Variants in VWA3A observed in about 807,000 individuals in gnomAD.
VWA3A encodes von Willebrand factor A domain containing 3A.
In VWA3A, 134 loss-of-function variants were observed where a neutral mutation model predicts 160.4. The observed-to-expected ratio is 0.84, with a 90% CI of 0.73 to 0.96. VWA3A has a LOEUF of 0.96. Among genes scored for constraint, VWA3A ranks in the 40% least tolerant of loss-of-function variants. VWA3A has a pLI of 0.00. For synonymous variants in VWA3A, 476 were observed against 543.4 expected, an observed-to-expected ratio of 0.88 and a Z score of 1.72; for missense variants, 1,310 against 1,447.9, an observed-to-expected ratio of 0.90 and a Z score of 1.55.
chr16:22,112,010 C>T (rs2045558924), intron 8 of VWA3A, among the ~76,000 whole-genome samples: 1 of 152,210 alleles, frequency 6.6e-6, no homozygotes, highest in African/African-American at 2.4e-5. Context: ...ATAGGACCTA[C>T]ATAACACTGC....
intron 16 of VWA3A, among the ~76,000 whole-genome samples, chr16:22,123,929 C>G (rs1308804369): frequency 2.0e-5 from 3 of 152,038 alleles, no homozygotes; most frequent in Non-Finnish European, 2.9e-5. Context: ...AATCCCAGCA[C>G]TTGGGGAGGC....
At chr16:22,148,063 T>C in intron 27 of VWA3A, 99 bp from the exon 28 acceptor site, 1 of 1,405,948 alleles carries the variant, frequency 7.1e-7, no homozygotes, top group Non-Finnish European at 9.4e-7. Flanking sequence ...GCAACAGGTG[T>C]CACAAGACTT....
chr16:22,103,579 T>G (rs1355773928), intron 6 of VWA3A, 50 bp downstream of exon 6: 1 of 1,544,552 alleles, frequency 6.5e-7, no homozygotes. Context: ...ATTCCATTTG[T>G]ATTTGTTAGA....
chr16:22,134,355 G>T lies in VWA3A; in HGVS notation c.2069-13G>T. Reference sequence around the variant, plus strand: ...CCCTGTCTCACCTTGCTCACGATGTGCTTTGTTTCCAGGCATTTATGAGAG... The same window carrying T: ...CCCTGTCTCACCTTGCTCACGATGTTCTTTGTTTCCAGGCATTTATGAGAG... On this transcript the variant is annotated splice_polypyrimidine_tract_variant and intron_variant, in intron 20 of 33. Transcript: ENST00000389398. 1 of 1,590,630 alleles carries T rather than the reference G, an allele frequency of 6.3e-7. No homozygotes were observed.
Position 22,150,709 on chromosome 16 carries a change from C to T in VWA3A, c.3144C>T (p.Phe1048=), listed in dbSNP as rs1373081213. ...CGTTCTTTCAGAAAGCTTTCAGTTT[C>T]CATGATCTGGAAGGATTGTACCTCC... The part of the protein sequence containing the change: ...ILQALLKAFS[F]HDLEGLYLLT... The change falls in exon 30 of 34, where the codon TTC becomes TTT. Residue 1048 remains phenylalanine, a synonymous_variant. Transcript: ENST00000389398. The T allele has an allele frequency of 6.2e-7, 1 of 1,609,326 alleles. No homozygotes were observed. The highest frequency in any genetic ancestry group is 8.5e-7 in the Non-Finnish European group (1 of 1,177,770).
At chr16:22,103,207 T>A (rs1279668337) in intron 5 of VWA3A, among the ~76,000 whole-genome samples, 1 of 152,060 alleles carries the variant, frequency 6.6e-6, no homozygotes, top group African/African-American at 2.4e-5. Flanking sequence ...CAAATTTTTT[T>A]ATTTTTTGTA....
At chr16:22,110,496 T>C (rs1266809497) in intron 7 of VWA3A, among the ~76,000 whole-genome samples, 2 of 152,100 alleles carry the variant, frequency 1.3e-5, no homozygotes, top group African/African-American at 4.8e-5. Context: ...GGTGGAGTGG[T>C]CTACTATTAG....
In VWA3A at chr16:22,119,005, C is replaced by T. The variant is rs376796525; in HGVS notation, c.1094C>T (p.Ala365Val). 119 of 1,612,974 alleles carry T rather than the reference C, an allele frequency of 7.4e-5. No homozygotes were observed. The highest frequency in any genetic ancestry group is 5.0e-4 in the Middle Eastern group (3 of 6,060). The stretch of plus-strand genomic sequence containing the variant: ...CTGCAGCACAGCAGCCCCTGTGAGG[C>T]GCTCACCTGCACCATGGAGGAGGTA... The part of the protein sequence containing the change: ...QALQHSSPCE[A>V]LTCTMEEIST... The change falls in exon 12 of 34, where the codon GCG (alanine) becomes GTG (valine). Residue 365 changes from alanine to valine, a missense_variant. By Grantham distance (64) the Ala-to-Val change is moderately conservative. Transcript: ENST00000389398.
At chr16:22,105,345 A>T (rs1400458706) in intron 6 of VWA3A, among the ~76,000 whole-genome samples, 9 of 152,174 alleles carry the variant, frequency 5.9e-5, no homozygotes, top group Admixed American at 5.9e-4. Context: ...GATCACCTGT[A>T]AATCAGCTTA....
intron 21 of VWA3A, among the ~76,000 whole-genome samples, chr16:22,136,641 T>C (rs1298272547): frequency 6.6e-6 from 1 of 152,032 alleles, no homozygotes; most frequent in African/African-American, 2.4e-5. Context: ...CACGTCTCCA[T>C]CTTCTATTCC....
intron 20 of VWA3A, 134 bp downstream of exon 20, chr16:22,133,229 C>A (rs2045980813): frequency 9.6e-7 from 1 of 1,037,150 alleles, no homozygotes. Flanking sequence ...AAAACTGTTC[C>A]TCTGAAGATA....
chr16:22,144,294 A>G lies in VWA3A; in HGVS notation c.2640A>G (p.Arg880=). 6.2e-7 allele frequency: 1 copy of G among 1,613,736 alleles called. No homozygotes were observed. The highest frequency in any genetic ancestry group is 8.5e-7 in the Non-Finnish European group (1 of 1,179,806). ...AAAAATTGAAGCTGGAGATTTCCAG[A>G]TGCATGGGTCCCAACTGCACTCATC... ...GLKKLKLEIS[R]CMGPNCTHQK... The change falls in exon 26 of 34, where the codon AGA becomes AGG. Residue 880 remains arginine (R), a synonymous_variant. Coordinates refer to ENST00000389398, the MANE Select transcript of VWA3A (RefSeq NM_173615.5).
At chr16:22,115,745 GAGGATTGATTAAGCCCAGGAGTTT>G (rs1223116595) in intron 9 of VWA3A, among the ~76,000 whole-genome samples, 5 of 150,890 alleles carry the variant, frequency 3.3e-5, no homozygotes, top group Non-Finnish European at 7.4e-5. Flanking sequence ...GCTGAGGCAG[GAGGATTGATTAAGCCCAGGAGTTT>G]AAGGCTGCAG....
chr16:22,138,524 C>T lies in VWA3A; in HGVS notation c.2292+12C>T, dbSNP rs774610640. The T allele has an allele frequency of 6.2e-7, 1 of 1,613,432 alleles. No individual in the cohort carries two copies. The highest frequency in any genetic ancestry group is 1.1e-5 in the South Asian group (1 of 91,026). On this transcript the variant is annotated intron_variant, in intron 22 of 33. Coordinates refer to ENST00000389398, the MANE Select transcript of VWA3A (RefSeq NM_173615.5). Reference sequence around the variant, plus strand: ...TGGGGGCCAGAATGGTTTGACTCCCCTCCTAATAACACGCAGAAGATTTGG... The same window carrying T: ...TGGGGGCCAGAATGGTTTGACTCCCTTCCTAATAACACGCAGAAGATTTGG...
rs1448456035 is a variant in VWA3A at position 22,092,898 on chromosome 16, C to T, written c.14+247C>T. The stretch of plus-strand genomic sequence containing the variant: ...AGGGGCAGCGACAGGAGGACTTCCA[C>T]AGGAGGAGTGGTTTCCTCCCTGGGG... On this transcript the variant is annotated intron_variant, in intron 1 of 33. Coordinates refer to ENST00000389398, the MANE Select transcript of VWA3A (RefSeq NM_173615.5). Among the ~76,000 whole-genome samples, 6 of 152,196 alleles carry T rather than the reference C, an allele frequency of 3.9e-5. No individual in the cohort carries two copies. In the East Asian group the frequency reaches 1.2e-3, roughly 29 times the overall value.
intron 1 of VWA3A, among the ~76,000 whole-genome samples, chr16:22,092,893 T>C (rs1254858754): frequency 6.6e-6 from 1 of 152,066 alleles, no homozygotes; most frequent in East Asian, 1.9e-4. Context: ...ACAGGAGGAC[T>C]TCCACAGGAG....
At chr16:22,128,984 T>C (rs2141948061) in intron 17 of VWA3A, among the ~76,000 whole-genome samples, 1 of 152,150 alleles carries the variant, frequency 6.6e-6, no homozygotes, top group African/African-American at 2.4e-5. Flanking sequence ...GTACTAGGCT[T>C]AATACCTGGG....
At chr16:22,150,526 T>C (rs1347150691) in intron 29 of VWA3A, among the ~76,000 whole-genome samples, 169 bp from the exon 30 acceptor site, 2 of 152,202 alleles carry the variant, frequency 1.3e-5, no homozygotes, top group Non-Finnish European at 2.9e-5. Flanking sequence ...GCAGCTTCCT[T>C]AGTCTGTCTG....
rs1555458651 is a variant in VWA3A at position 22,129,402 on chromosome 16, A to AAGAAAG, written c.1653-1802_1653-1801insGAAAGA. On this transcript the variant is annotated intron_variant, in intron 17 of 33. Transcript: ENST00000389398. ...AGACTCCATCTCAAAAAAAAAAAAA[A>AAGAAAG]AAAGAAAGAAAGAAAGAAAGAAAGA... Among the ~76,000 whole-genome samples the AAGAAAG allele has an allele frequency of 1.4e-3, 167 of 118,960 alleles. 7 individuals carry two copies. The East Asian group carries it at 0.04, about 29-fold the overall frequency. 78.0% of individuals were successfully genotyped at this position (118,960 alleles called of 152,430 possible).
Sources: gnomAD v4.1 joint callset for allele counts (sites outside exome capture counted in the v4.1 genomes callset) on GRCh38, gnomAD v4.1.1 for gene constraint, MANE v1.5 for transcripts, NCBI Gene and HGNC (gene_info 2026-07-23, HGNC 2026-07-21) for gene names.